Variants in DMXL2 observed in about 807,000 individuals in gnomAD.
The protein encoded by DMXL2 is dmX-like protein 2.
DMXL2 carries 103 observed loss-of-function variants against 331.1 expected under a neutral mutation model. The ratio of observed to expected loss-of-function variants is 0.31; its 90% CI spans 0.27 to 0.37. The LOEUF (loss-of-function observed/expected upper bound fraction) is 0.37. Ranked by LOEUF, DMXL2 falls within the 10% of genes least tolerant of loss-of-function variation. The probability of loss-of-function intolerance (pLI) is 1.00; values close to 1 mark genes in which losing one functional copy is unlikely to be tolerated. For synonymous variants in DMXL2, 1,281 were observed against 1,252.1 expected, an observed-to-expected ratio of 1.02 and a Z score of -0.49; for missense variants, 3,171 against 3,642.9, an observed-to-expected ratio of 0.87 and a Z score of 3.33.
rs746919442 is a variant in DMXL2 at position 51,622,575 on chromosome 15, G to A, written c.-30C>T. 6.5e-6 allele frequency: 10 copies of A among 1,539,754 alleles called. No homozygotes were observed. The highest frequency in any genetic ancestry group is 8.8e-6 in the Non-Finnish European group (10 of 1,140,408). ...GGAGCCCGGGCTGGACAGAATGCGC[G>A]GGAGGTGCGACAAGCTCCGCGCCTG... is the stretch of plus-strand genomic sequence containing the variant. On this transcript the variant is annotated 5_prime_UTR_variant, in exon 1 of 44. Coordinates refer to ENST00000560891, the MANE Select transcript of DMXL2 (RefSeq NM_001378457.1).
chr15:51,533,491 T>C (rs1345000481), intron 13 of DMXL2, among the ~76,000 whole-genome samples: 2 of 152,012 alleles, frequency 1.3e-5, no homozygotes, highest in African/African-American at 4.8e-5. Flanking sequence ...ATGACATCAA[T>C]AGCAAAAAAC....
intron 1 of DMXL2, among the ~76,000 whole-genome samples, chr15:51,603,867 G>GA (rs960921827): frequency 4.4e-4 from 61 of 138,518 alleles, no homozygotes; most frequent in Non-Finnish European, 3.6e-4. Flanking sequence ...GACTCCGTCT[G>GA]AAAAAAAAAA....
intron 1 of DMXL2, among the ~76,000 whole-genome samples, chr15:51,586,836 G>C (rs2051865884): frequency 6.6e-6 from 1 of 151,962 alleles, no homozygotes; most frequent in Non-Finnish European, 1.5e-5. Flanking sequence ...TCTATCTCCA[G>C]CTTGCCTGCA....
At chr15:51,461,891 G>A (rs2040160677) in intron 33 of DMXL2, among the ~76,000 whole-genome samples, 1 of 151,400 alleles carries the variant, frequency 6.6e-6, no homozygotes, top group Admixed American at 6.6e-5. Context: ...TTAGTTTATG[G>A]AATTTGGACT....
chr15:51,514,375 C>T, intron 15 of DMXL2, 67 bp downstream of exon 15: 1 of 893,852 alleles, frequency 1.1e-6, no homozygotes, highest in Non-Finnish European at 1.7e-6. Context: ...GATCCATACT[C>T]AGTGAAAACT....
Position 51,538,339 on chromosome 15 carries a change from A to G in DMXL2, c.1219T>C (p.Phe407Leu). Reference protein sequence around the residue: ...EFHFTSSTEVFMHQLRKLSDK... With the variant: ...EFHFTSSTEVLMHQLRKLSDK... ...GAAAGTTTTCGTAATTGATGCATAA[A>G]TACTTCTGTAGATGATGTAAAATGA... The change falls in exon 10 of 44, where the codon TTT becomes CTT. Residue 407 changes from phenylalanine to leucine, a missense_variant. By Grantham distance (22) the Phe-to-Leu change is conservative (BLOSUM62 0). This residue lies in a region of DMXL2 where 1,674 missense variants were observed against 1,780.2 expected (regional missense o/e 0.94). Coordinates refer to ENST00000560891, the MANE Select transcript of DMXL2 (RefSeq NM_001378457.1). The G allele has an allele frequency of 6.2e-7, 1 of 1,613,898 alleles. No homozygotes were observed. The highest frequency in any genetic ancestry group is 8.5e-7 in the Non-Finnish European group (1 of 1,179,852).
chr15:51,589,122 G>A (rs550018358), intron 1 of DMXL2, among the ~76,000 whole-genome samples: 239 of 152,238 alleles, frequency 1.6e-3, no homozygotes, highest in African/African-American at 5.5e-3. Flanking sequence ...TGGAAAAGAT[G>A]AGCTAAGCCA....
At chr15:51,506,439 C>G (rs1240018483) in intron 16 of DMXL2, among the ~76,000 whole-genome samples, 3 of 149,048 alleles carry the variant, frequency 2.0e-5, no homozygotes, top group Non-Finnish European at 3.0e-5. Flanking sequence ...TTTCATCAAA[C>G]AGCAATTCTG....
At position 51,475,351 on chromosome 15, in the gene DMXL2, G is replaced by A. The variant is rs12442258; in HGVS notation, c.6965-759C>T. On this transcript the variant is annotated intron_variant, in intron 27 of 43. Transcript: ENST00000560891. The stretch of plus-strand genomic sequence containing the variant: ...TACTAAAAATACAAAATAATTAGCC[G>A]GTCATGGTGTTATGCGTCTATAGTC... Among the ~76,000 whole-genome samples, 50 of 152,100 alleles carry A rather than the reference G, an allele frequency of 3.3e-4. No homozygotes were observed. The East Asian group carries it at 5.2e-3, about 16-fold the overall frequency.
intron 33 of DMXL2, 163 bp from the exon 34 acceptor site, chr15:51,459,823 A>G: frequency 1.7e-6 from 2 of 1,186,276 alleles, no homozygotes; most frequent in Non-Finnish European, 2.1e-6. Context: ...CAGTCATCAA[A>G]TAAACACAAC....
intron 13 of DMXL2, among the ~76,000 whole-genome samples, chr15:51,530,885 G>C (rs1461173453): frequency 6.6e-6 from 1 of 151,808 alleles, no homozygotes; most frequent in Non-Finnish European, 1.5e-5. Context: ...AAATTGAAGA[G>C]GACAAAAAAA....
At chr15:51,576,203 A>AAAT in intron 1 of DMXL2, 22 bp from the exon 2 acceptor site, 1 of 1,373,720 alleles carries the variant, frequency 7.3e-7, no homozygotes. Flanking sequence ...AAAAAAAAAA[A>AAAT]GTTTTACAAT....
intron 1 of DMXL2, among the ~76,000 whole-genome samples, chr15:51,595,186 C>A (rs200959456): frequency 7.2e-3 from 964 of 134,702 alleles, no homozygotes; most frequent in African/African-American, 0.013. Flanking sequence ...CATCTCAGCC[C>A]AAAATCTCCT....
chr15:51,551,296 C>T (rs1220813017), intron 6 of DMXL2, among the ~76,000 whole-genome samples: 1 of 152,072 alleles, frequency 6.6e-6, no homozygotes, highest in Admixed American at 6.6e-5. Context: ...AATTATGAAA[C>T]ACTTAACTCT....
In DMXL2 at chr15:51,503,052, A is replaced by C. The variant is rs377149205; in HGVS notation, c.2765-19T>G. On this transcript the variant is annotated intron_variant, in intron 16 of 43. Transcript: ENST00000560891. The stretch of plus-strand genomic sequence containing the variant: ...GCTTTAGCTTTAAAAATAAATTATA[A>C]AATTACAAAATGTATGTATATCATT... 2.7e-6 allele frequency: 4 copies of C among 1,490,798 alleles called. No homozygotes were observed. The highest frequency in any genetic ancestry group is 2.8e-5 in the African/African-American group (2 of 70,786). The allele number at this position is 1,490,798 out of a possible 1,614,324, so 92.3% of individuals were successfully genotyped here.
In DMXL2 at chr15:51,576,201, A is replaced by AAAAAAAAAAAAAAAAAAT; in HGVS notation, c.88-21_88-20insATTTTTTTTTTTTTTTTT. 1 of 1,438,160 alleles carries AAAAAAAAAAAAAAAAAAT rather than the reference A, an allele frequency of 7.0e-7. No homozygotes were observed. The highest frequency in any genetic ancestry group is 1.5e-5 in the African/African-American group (1 of 68,550). 89.1% of individuals were successfully genotyped at this position (1,438,160 alleles called of 1,614,324 possible). ...ATATGCCTAAAAAAAAAAAAAAAAA[A>AAAAAAAAAAAAAAAAAAT]AAGTTTTACAATACATAAGATATGT... On this transcript the variant is annotated intron_variant, in intron 1 of 43. Coordinates refer to ENST00000560891, the MANE Select transcript of DMXL2 (RefSeq NM_001378457.1).
At chr15:51,492,085 T>A (rs1475504429) in intron 19 of DMXL2, among the ~76,000 whole-genome samples, 1 of 152,216 alleles carries the variant, frequency 6.6e-6, no homozygotes, top group African/African-American at 2.4e-5. Flanking sequence ...CAAGAGGTCA[T>A]AAGAGCTGCC....
intron 13 of DMXL2, among the ~76,000 whole-genome samples, chr15:51,527,455 G>A (rs1215111582): frequency 1.3e-5 from 2 of 150,026 alleles, no homozygotes; most frequent in Admixed American, 6.6e-5. Flanking sequence ...TGGGCCAGGC[G>A]TGGTGGCTCA....
intron 19 of DMXL2, among the ~76,000 whole-genome samples, chr15:51,494,495 T>C (rs2043030952): frequency 6.6e-6 from 1 of 152,184 alleles, no homozygotes; most frequent in African/African-American, 2.4e-5. Context: ...GTTTCAATTT[T>C]TTAATCTGTA....
Sources: allele counts gnomAD v4.1 joint callset (sites outside exome capture counted in the v4.1 genomes callset), GRCh38; gene constraint gnomAD v4.1.1; regional missense constraint gnomAD v4.1.1; transcripts MANE v1.5; gene names NCBI Gene and HGNC (gene_info 2026-07-23, HGNC 2026-07-21).